Variants in EFR3A observed in about 807,000 individuals in gnomAD.
EFR3A encodes the protein protein EFR3 homolog A.
In EFR3A, 76 loss-of-function variants were observed where a neutral mutation model predicts 104.4. The observed-to-expected ratio is 0.73, with a 90% CI of 0.60 to 0.88. The LOEUF (loss-of-function observed/expected upper bound fraction) is 0.88. Ranked by LOEUF, EFR3A falls within the 40% of genes least tolerant of loss-of-function variation. The probability of loss-of-function intolerance (pLI) is 0.00; values close to 1 mark genes in which losing one functional copy is unlikely to be tolerated. For synonymous variants in EFR3A, 330 were observed against 330.0 expected, an observed-to-expected ratio of 1.00 and a Z score of 0.00; for missense variants, 985 against 1,012.5, an observed-to-expected ratio of 0.97 and a Z score of 0.37.
At chr8:131,976,230 T>TA in intron 11 of EFR3A, 89 bp downstream of exon 11, 2 of 850,516 alleles carry the variant, frequency 2.4e-6, no homozygotes, top group Non-Finnish European at 1.9e-6. Flanking sequence ...TTGTTTTTTT[T>TA]TAAAAATCAT....
At chr8:131,908,056 G>C (rs1816336057) in intron 1 of EFR3A, among the ~76,000 whole-genome samples, 1 of 149,744 alleles carries the variant, frequency 6.7e-6, no homozygotes, top group Admixed American at 6.7e-5. Flanking sequence ...CAGAATTTGA[G>C]GTTTTTTTTT....
chr8:131,949,901 G>T, intron 4 of EFR3A, 68 bp from the exon 5 acceptor site: 1 of 1,346,184 alleles, frequency 7.4e-7, no homozygotes, highest in Non-Finnish European at 1.0e-6. Context: ...GACAGTGTAT[G>T]AAATTAAATG....
chr8:131,999,700 TAA>T (rs200463770), intron 19 of EFR3A, among the ~76,000 whole-genome samples: 9 of 141,268 alleles, frequency 6.4e-5, no homozygotes, highest in South Asian at 2.2e-4. Flanking sequence ...CAGTTAGTCT[TAA>T]AAAAAAAAAA....
At chr8:131,985,188 C>A in intron 16 of EFR3A, 128 bp downstream of exon 16, 1 of 947,012 alleles carries the variant, frequency 1.1e-6, no homozygotes, top group Non-Finnish European at 1.6e-6. Flanking sequence ...AATCTACAGC[C>A]AGTAAACTGA....
At chr8:131,987,427 T>G in intron 17 of EFR3A, 148 bp from the exon 18 acceptor site, 1 of 911,424 alleles carries the variant, frequency 1.1e-6, no homozygotes, top group Non-Finnish European at 1.6e-6. Context: ...ATTAGTTGCC[T>G]AAAATATACT....
At chr8:131,941,865 A>G (rs1818187040) in intron 2 of EFR3A, among the ~76,000 whole-genome samples, 1 of 152,112 alleles carries the variant, frequency 6.6e-6, no homozygotes, top group South Asian at 2.1e-4. Context: ...CATATATTTG[A>G]AGCCTAGAGC....
chr8:131,967,596 C>T (rs1819811793), intron 8 of EFR3A, among the ~76,000 whole-genome samples: 1 of 151,118 alleles, frequency 6.6e-6, no homozygotes, highest in Non-Finnish European at 1.5e-5. Flanking sequence ...AACCTATTCA[C>T]TGGAGTTAAG....
At chr8:131,959,225 C>A (rs11989776) in intron 7 of EFR3A, among the ~76,000 whole-genome samples, 6,271 of 152,096 alleles carry the variant, frequency 0.041, 314 homozygotes, top group East Asian at 0.12. Context: ...AGGCTGTTCC[C>A]CTGTTGTTTT....
At chr8:131,999,050 A>G (rs1488702773) in intron 19 of EFR3A, among the ~76,000 whole-genome samples, 1 of 152,136 alleles carries the variant, frequency 6.6e-6, no homozygotes, top group African/African-American at 2.4e-5. Context: ...TTATATATGC[A>G]TAACTGATAT....
intron 1 of EFR3A, among the ~76,000 whole-genome samples, chr8:131,912,981 ATTTTTTTTT>A (rs3051318): frequency 6.4e-5 from 9 of 141,362 alleles, no homozygotes; most frequent in South Asian, 4.6e-4. Context: ...TATCACTTGT[ATTTTTTTTT>A]TTTTTTTTTT....
chr8:132,002,733 G>A (rs1443753285), intron 21 of EFR3A, 27 bp downstream of exon 21: 2 of 1,568,740 alleles, frequency 1.3e-6, no homozygotes, highest in East Asian at 4.5e-5. Context: ...TGAAGGGCTT[G>A]TGGGTGGACT....
At chr8:131,938,436 A>G in intron 1 of EFR3A, 1 of 385,022 alleles carries the variant, frequency 2.6e-6, no homozygotes, top group Non-Finnish European at 4.6e-6. Context: ...TCAACCTTAC[A>G]TTGTCTTTGA....
At chr8:131,997,391 T>C (rs1821551585) in intron 19 of EFR3A, among the ~76,000 whole-genome samples, 1 of 152,066 alleles carries the variant, frequency 6.6e-6, no homozygotes, top group Non-Finnish European at 1.5e-5. Context: ...TATTGATTTA[T>C]TTGTCTTCAG....
chr8:131,978,732 C>T, intron 12 of EFR3A, 115 bp from the exon 13 acceptor site: 1 of 801,832 alleles, frequency 1.2e-6, no homozygotes, highest in East Asian at 3.1e-5. Context: ...GTCTTTTCTC[C>T]AGGCTTCTGT....
At chr8:131,943,996 G>C (rs995733384) in intron 2 of EFR3A, among the ~76,000 whole-genome samples, 3 of 152,070 alleles carry the variant, frequency 2.0e-5, no homozygotes, top group African/African-American at 7.2e-5. Context: ...AGAACATTGA[G>C]GGACCAGTTG....
chr8:131,957,661 C>T (rs1291163264), intron 7 of EFR3A, among the ~76,000 whole-genome samples: 1 of 150,976 alleles, frequency 6.6e-6, no homozygotes, highest in East Asian at 2.0e-4. Context: ...GGGCCAGTAT[C>T]TTTTAATGTA....
Position 131,944,763 on chromosome 8 carries a change from G to C in EFR3A, c.106G>C (p.Asp36His), listed in dbSNP as rs375503062. Residue 36 changes from aspartate (D) to histidine (H), a missense_variant, in exon 3 of 23, where the codon GAT (aspartate) becomes CAT (histidine). By Grantham distance (81) the Asp-to-His change is moderately conservative. Transcript: ENST00000254624. ...TTTTTAGGATGGCCTTGTGAAAACTGATATGGAGAAATTGACATTTTATGC... is the reference window on the plus strand; with the variant it reads ...TTTTTAGGATGGCCTTGTGAAAACTCATATGGAGAAATTGACATTTTATGC... The part of the protein sequence containing the change: ...EDPKDGLVKT[D>H]MEKLTFYAVS... The C allele has an allele frequency of 5.0e-6, 8 of 1,598,864 alleles. No individual in the cohort carries two copies. In the Admixed American group the frequency reaches 8.7e-5, roughly 17 times the overall value.
intron 19 of EFR3A, among the ~76,000 whole-genome samples, chr8:131,999,532 G>A (rs1306906803): frequency 2.0e-5 from 3 of 152,176 alleles, no homozygotes; most frequent in East Asian, 3.9e-4. Flanking sequence ...CTTTAGGATG[G>A]TGCCTTTGCA....
chr8:132,003,028 T>C (rs1821861675), intron 21 of EFR3A, among the ~76,000 whole-genome samples: 1 of 152,096 alleles, frequency 6.6e-6, no homozygotes, highest in African/African-American at 2.4e-5. Context: ...GTTTTTAACA[T>C]TGAGACGAGG....
Sources: allele counts gnomAD v4.1 joint callset (sites outside exome capture counted in the v4.1 genomes callset), GRCh38; gene constraint gnomAD v4.1.1; transcripts MANE v1.5; gene names NCBI Gene and HGNC (gene_info 2026-07-23, HGNC 2026-07-21).